Variants in NFIC observed in about 807,000 individuals in gnomAD.
The protein encoded by NFIC is nuclear factor I C.
NFIC carries 12 observed loss-of-function variants against 54.4 expected under a neutral mutation model. That is an observed-to-expected ratio of 0.22 (90% CI 0.14 to 0.36). The LOEUF is 0.36. Among genes scored for constraint, NFIC ranks in the 10% least tolerant of loss-of-function variants. The pLI is 1.00. For synonymous variants in NFIC, 322 were observed against 319.2 expected, an observed-to-expected ratio of 1.01 and a Z score of -0.09; for missense variants, 575 against 718.2, an observed-to-expected ratio of 0.80 and a Z score of 2.28.
upstream of NFIC, chr19:3,366,556 C>CGGGGGGGGGG: frequency 4.1e-6 from 2 of 490,740 alleles, no homozygotes; most frequent in Non-Finnish European, 5.8e-6. Context: ...TTGGGGGGGG[C>CGGGGGGGGGG]GGGGGGGTGG....
intron 6 of NFIC, among the ~76,000 whole-genome samples, chr19:3,441,996 C>CG (rs1291488553): frequency 2.6e-5 from 4 of 152,208 alleles, no homozygotes; most frequent in Non-Finnish European, 5.9e-5. Context: ...CTGGCGGACT[C>CG]GGGGCCTTTT....
intron 6 of NFIC, among the ~76,000 whole-genome samples, chr19:3,441,368 C>T (rs186716610): frequency 1.3e-5 from 2 of 152,256 alleles, no homozygotes; most frequent in African/African-American, 4.8e-5. Context: ...TATTTCCCCT[C>T]CCGGCAACAC....
intron 2 of NFIC, among the ~76,000 whole-genome samples, chr19:3,395,142 C>T (rs774959877): frequency 2.0e-5 from 3 of 151,996 alleles, no homozygotes; most frequent in African/African-American, 4.8e-5. Context: ...GCGGATCTCC[C>T]GAGGTCAGGA....
In NFIC at chr19:3,425,129, C is replaced by G; in HGVS notation, c.586C>G (p.Arg196Gly). 2 of 1,613,180 alleles carry G rather than the reference C, an allele frequency of 1.2e-6. No individual in the cohort carries two copies. The highest frequency in any genetic ancestry group is 1.7e-6 in the Non-Finnish European group (2 of 1,179,958). The change falls in exon 3 of 11, where the codon CGG becomes GGG. Residue 196 changes from arginine (R) to glycine (G), a missense_variant. By Grantham distance (125) the Arg-to-Gly change is moderately radical (BLOSUM62 -2). Around this residue, in one of 3 missense-constraint regions of NFIC, gnomAD observed 447 missense variants for 526.9 expected, o/e 0.85. Transcript: ENST00000443272. The stretch of plus-strand genomic sequence containing the variant: ...AGATGCAGAGCAAAGCGGCAGTCCC[C>G]GGACAGGGATGGGCTCTGACCAGGA... ...ERDAEQSGSP[R>G]TGMGSDQEDS...
At chr19:3,416,623 G>A (rs978716435) in intron 2 of NFIC, among the ~76,000 whole-genome samples, 2 of 151,260 alleles carry the variant, frequency 1.3e-5, no homozygotes, top group Admixed American at 6.6e-5. Context: ...CCGGGTTCAA[G>A]AAGCAATTTT....
intron 2 of NFIC, among the ~76,000 whole-genome samples, chr19:3,409,930 G>A (rs758262426): frequency 1.2e-4 from 19 of 152,344 alleles, no homozygotes; most frequent in South Asian, 1.0e-3. Flanking sequence ...TTTGCTGGCC[G>A]GCTGCGGTGG....
At chr19:3,364,537 C>T (rs535030392), upstream of NFIC, among the ~76,000 whole-genome samples, 33 of 152,326 alleles carry the variant, frequency 2.2e-4, no homozygotes, top group African/African-American at 7.9e-4. Flanking sequence ...AGAAGTTTCT[C>T]CCTGCAGCTA....
intron 3 of NFIC, among the ~76,000 whole-genome samples, chr19:3,425,461 A>G (rs1327757315): frequency 6.6e-6 from 1 of 152,002 alleles, no homozygotes; most frequent in Non-Finnish European, 1.5e-5. Flanking sequence ...TTTTGTTTTC[A>G]TTCATTTATT....
Position 3,449,082 on chromosome 19 carries a change from T to A in NFIC, c.1027T>A (p.Ser343Thr), listed in dbSNP as rs766831128. 1.2e-6 allele frequency: 2 copies of A among 1,611,206 alleles called. No individual in the cohort carries two copies. Among genetic ancestry groups the A allele is most frequent in the Non-Finnish European group, 1.7e-6 (2 of 1,178,756 alleles). Reference sequence around the variant, plus strand: ...ATTCAACAGCCCGTCCCCCCAGGACTCTCCCCGCCTCTCCAGCTTCACCCA... The same window carrying A: ...ATTCAACAGCCCGTCCCCCCAGGACACTCCCCGCCTCTCCAGCTTCACCCA... ...SPFNSPSPQDSPRLSSFTQHH... is the reference protein window; with the variant it reads ...SPFNSPSPQDTPRLSSFTQHH... The change falls in exon 7 of 11, where the codon TCT becomes ACT. Residue 343 changes from serine (S) to threonine (T), a missense_variant. Transcript: ENST00000443272.
In NFIC at chr19:3,382,170, C is replaced by T. The variant is rs753895815; in HGVS notation, c.489C>T (p.Cys163=). The change falls in exon 2 of 11, where the codon TGC becomes TGT. Residue 163 remains cysteine, a synonymous_variant. Coordinates refer to ENST00000443272, the MANE Select transcript of NFIC (RefSeq NM_001245002.2). ...KAAQCGHPVL[C]VQPHHIGVAV... ...CGCAGTGCGGTCACCCGGTCCTGTG[C>T]GTGCAGCCGCACCACATTGGCGTGG... The T allele has an allele frequency of 6.8e-6, 11 of 1,612,340 alleles. No individual in the cohort carries two copies. The highest frequency in any genetic ancestry group is 5.3e-5 in the African/African-American group (4 of 75,078).
intron 2 of NFIC, among the ~76,000 whole-genome samples, chr19:3,388,340 A>G (rs557472086): frequency 3.6e-4 from 55 of 152,200 alleles, no homozygotes; most frequent in African/African-American, 1.1e-3. Context: ...TCTGTGTGCC[A>G]GGCTCCGAGG....
In NFIC at chr19:3,453,837, G is replaced by T. The variant is rs1252133364; in HGVS notation, c.1344G>T (p.Gly448=). 1 of 1,584,692 alleles carries T rather than the reference G, an allele frequency of 6.3e-7. No individual in the cohort carries two copies. Among genetic ancestry groups the T allele is most frequent in the Non-Finnish European group, 8.6e-7 (1 of 1,166,890 alleles). Residue 448 remains glycine, a synonymous_variant, in exon 9 of 11, where the codon GGG becomes GGT. Transcript: ENST00000443272. This position sits in a 1 kb window ranked among gnomAD's most constrained non-coding sequence, Gnocchi z 6.7. ...AGATGCTGGCACCTCCGCCCCCGGG[G>T]CTGCCACGGCTGGCGCTCCCCCCTG... is the stretch of plus-strand genomic sequence containing the variant. ...SAQMLAPPPP[G]LPRLALPPAT...
intron 1 of NFIC, among the ~76,000 whole-genome samples, chr19:3,378,661 T>C (rs556335906): frequency 6.6e-6 from 1 of 152,190 alleles, no homozygotes; most frequent in Non-Finnish European, 1.5e-5. Context: ...CAATTTGTCA[T>C]GATTTGGGAG....
chr19:3,386,416 G>T (rs1346762099), intron 2 of NFIC, among the ~76,000 whole-genome samples: 3 of 148,870 alleles, frequency 2.0e-5, no homozygotes, highest in Non-Finnish European at 4.4e-5. Context: ...TCTACTTCCT[G>T]GGTTCAAGCG....
In NFIC at chr19:3,370,277, G is replaced by A. The variant is rs1364504087; in HGVS notation, c.30+3611G>A. 1.3e-5 allele frequency among the ~76,000 whole-genome samples: 2 copies of A among 151,906 alleles called. No individual in the cohort carries two copies. Among genetic ancestry groups the A allele is most frequent in the Non-Finnish European group, 2.9e-5 (2 of 67,936 alleles). ...GGGCAGGTGGGCGCTCTCTCCCCGT[G>A]TGCCCCCCACCCGGGGCCTGGTGGC... On this transcript the variant is annotated intron_variant, in intron 1 of 10. Coordinates refer to ENST00000443272, the MANE Select transcript of NFIC (RefSeq NM_001245002.2). The surrounding 1 kb of genome is among the most constrained non-coding windows in gnomAD (Gnocchi z 5.2).
chr19:3,387,491 G>A (rs2081315216), intron 2 of NFIC, among the ~76,000 whole-genome samples: 1 of 151,922 alleles, frequency 6.6e-6, no homozygotes, highest in Middle Eastern at 3.2e-3. Context: ...GTGAGACTCT[G>A]TCTCAAAAAA....
intron 6 of NFIC, among the ~76,000 whole-genome samples, chr19:3,440,277 C>G (rs2082272750): frequency 6.6e-6 from 1 of 152,064 alleles, no homozygotes; most frequent in Non-Finnish European, 1.5e-5. Flanking sequence ...CACTCCGTGT[C>G]AGGAGCACCC....
intron 7 of NFIC, among the ~76,000 whole-genome samples, chr19:3,449,952 G>A (rs1163754837): frequency 2.6e-5 from 4 of 151,994 alleles, no homozygotes; most frequent in Non-Finnish European, 5.9e-5. Flanking sequence ...CTACTTGGGA[G>A]GCTGAGGCAG....
chr19:3,371,861 T>G (rs2081015852), intron 1 of NFIC, among the ~76,000 whole-genome samples: 1 of 151,060 alleles, frequency 6.6e-6, no homozygotes, highest in African/African-American at 2.4e-5. Context: ...GTTTTTCTTT[T>G]CTTTCTTTTT....
Sources: gnomAD v4.1 joint callset for allele counts (sites outside exome capture counted in the v4.1 genomes callset) on GRCh38, gnomAD v4.1.1 for gene constraint, gnomAD v4.1.1 regional missense constraint, Gnocchi (gnomAD v3.1) non-coding constraint, MANE v1.5 for transcripts, NCBI Gene and HGNC (gene_info 2026-07-23, HGNC 2026-07-21) for gene names.